Variants in GRK3 observed in about 807,000 individuals in gnomAD.
The protein encoded by GRK3 is G protein-coupled receptor kinase 3.
GRK3 carries 54 observed loss-of-function variants against 95.7 expected under a neutral mutation model. The ratio of observed to expected loss-of-function variants is 0.56; its 90% CI spans 0.45 to 0.71. The LOEUF is 0.71. Ranked by LOEUF, GRK3 falls within the 30% of genes least tolerant of loss-of-function variation. GRK3 has a pLI of 0.00. For synonymous variants in GRK3, 281 were observed against 290.8 expected, an observed-to-expected ratio of 0.97 and a Z score of 0.34; for missense variants, 649 against 851.2, an observed-to-expected ratio of 0.76 and a Z score of 2.96.
rs961440089 is a variant in GRK3, at chr22:25,648,309, T to C, written c.264+3644T>C. 2.0e-5 allele frequency: 21 copies of C among 1,045,600 alleles called. No homozygotes were observed. In the African/African-American group the frequency reaches 3.1e-4, roughly 16 times the overall value. The allele number at this position is 1,045,600 out of a possible 1,614,324, so 64.8% of individuals were successfully genotyped here. A position where few individuals can be genotyped will look rare whatever the true frequency, so the allele number is the denominator to read the frequency against. ...AGAACAACTTGATACTCTGCAGAAA[T>C]TGGCAAAACACTACACAGAACATGC... is the stretch of plus-strand genomic sequence containing the variant. On this transcript the variant is annotated intron_variant, in intron 3 of 20. Coordinates refer to ENST00000324198, the MANE Select transcript of GRK3 (RefSeq NM_005160.4).
At chr22:25,636,324 G>A (rs2084701469) in intron 2 of GRK3, among the ~76,000 whole-genome samples, 1 of 152,170 alleles carries the variant, frequency 6.6e-6, no homozygotes, top group South Asian at 2.1e-4. Context: ...GTATGTGTAC[G>A]TGTTCACATA....
chr22:25,690,247 C>A lies in GRK3; in HGVS notation c.1016C>A (p.Ala339Asp). 3 of 1,614,106 alleles carry A rather than the reference C, an allele frequency of 1.9e-6. No homozygotes were observed. The highest frequency in any genetic ancestry group is 2.5e-6 in the Non-Finnish European group (3 of 1,179,980). The change falls in exon 12 of 21, where the codon GCC becomes GAC. Residue 339 changes from alanine to aspartate, a missense_variant. Physicochemically the swap from Ala to Asp is moderately radical, Grantham distance 126 (BLOSUM62 -2). Around this residue, in one of 3 missense-constraint regions of GRK3, gnomAD observed 382 missense variants for 493.8 expected, o/e 0.77. Transcript: ENST00000324198. The part of the protein sequence containing the change: ...GHARISDLGL[A>D]CDFSKKKPHA... ...GCAAGAATATCAGATCTTGGTCTTG[C>A]CTGCGATTTTTCCAAAAAGAAGCCT...
intron 1 of GRK3, among the ~76,000 whole-genome samples, chr22:25,592,193 G>A (rs1447474755): frequency 2.0e-5 from 3 of 152,158 alleles, no homozygotes; most frequent in Admixed American, 2.0e-4. Context: ...GGTATGTAGT[G>A]GAATCTTCTT....
At chr22:25,706,780 C>A (rs371330065) in intron 15 of GRK3, among the ~76,000 whole-genome samples, 6 of 152,234 alleles carry the variant, frequency 3.9e-5, no homozygotes, top group African/African-American at 1.4e-4. Flanking sequence ...GCCTTGGCCT[C>A]CCAAAGTGCT....
chr22:25,667,611 A>G, intron 5 of GRK3, 128 bp from the exon 6 acceptor site: 1 of 627,434 alleles, frequency 1.6e-6, no homozygotes, highest in Non-Finnish European at 2.9e-6. Flanking sequence ...GGAGAAGGGC[A>G]GGTACCAGAC....
intron 1 of GRK3, among the ~76,000 whole-genome samples, chr22:25,597,491 A>G (rs1198459285): frequency 6.6e-6 from 1 of 152,210 alleles, no homozygotes; most frequent in Non-Finnish European, 1.5e-5. Context: ...GATAATGGGT[A>G]TGCTAATTAC....
At chr22:25,667,682 GT>G in intron 5 of GRK3, 56 bp from the exon 6 acceptor site, 1 of 1,306,878 alleles carries the variant, frequency 7.7e-7, no homozygotes, top group Non-Finnish European at 1.1e-6. Flanking sequence ...ATTGGTTTGT[GT>G]TTTTTTGATA....
chr22:25,702,497 A>T (rs750583696), intron 13 of GRK3, among the ~76,000 whole-genome samples: 2 of 152,206 alleles, frequency 1.3e-5, no homozygotes, highest in Non-Finnish European at 2.9e-5. Context: ...ACATCTTGTT[A>T]TAAGAAAAGT....
intron 2 of GRK3, among the ~76,000 whole-genome samples, chr22:25,606,084 C>G (rs2084444059): frequency 6.6e-6 from 1 of 152,172 alleles, no homozygotes; most frequent in South Asian, 2.1e-4. Flanking sequence ...TTAACTGACC[C>G]TGGCACCGGG....
intron 18 of GRK3, among the ~76,000 whole-genome samples, chr22:25,717,106 G>A (rs926945338): frequency 1.3e-5 from 2 of 152,182 alleles, no homozygotes; most frequent in African/African-American, 4.8e-5. Context: ...AACTATTTAT[G>A]TAGCATTTAC....
chr22:25,685,472 T>G (rs181388669), intron 10 of GRK3, among the ~76,000 whole-genome samples: 54 of 152,320 alleles, frequency 3.5e-4, no homozygotes, highest in Non-Finnish European at 7.1e-4. Flanking sequence ...CAAGAAAAGA[T>G]TCTAGAAAAG....
chr22:25,635,043 G>A (rs780780879), intron 2 of GRK3, among the ~76,000 whole-genome samples: 95 of 152,192 alleles, frequency 6.2e-4, no homozygotes, highest in Non-Finnish European at 7.6e-4. Flanking sequence ...TGCGGCCCGC[G>A]GGCTGCATGC....
chr22:25,672,012 T>A (rs557452593), intron 6 of GRK3, among the ~76,000 whole-genome samples: 3 of 152,214 alleles, frequency 2.0e-5, no homozygotes, highest in Non-Finnish European at 2.9e-5. Context: ...TAAAATTACA[T>A]TATATATGTG....
chr22:25,565,188 C>A lies in GRK3; in HGVS notation c.113+35C>A, dbSNP rs928075052. Reference sequence around the variant, plus strand: ...GCCCCGGCCGGCGCCGGCCCCAAGCCGCCGCCCCCTGCGGCCGCCAGCTAC... The same window carrying A: ...GCCCCGGCCGGCGCCGGCCCCAAGCAGCCGCCCCCTGCGGCCGCCAGCTAC... On this transcript the variant is annotated intron_variant, in intron 1 of 20. Transcript: ENST00000324198. The A allele has an allele frequency of 1.0e-4, 128 of 1,230,860 alleles. 1 individual carries two copies. The highest frequency in any genetic ancestry group is 1.4e-4 in the Non-Finnish European group (125 of 905,380). The allele number at this position is 1,230,860 out of a possible 1,614,324, so 76.2% of individuals were successfully genotyped here. A position where few individuals can be genotyped will look rare whatever the true frequency, so the allele number is the denominator to read the frequency against.
chr22:25,620,275 C>T (rs890433709), intron 2 of GRK3, among the ~76,000 whole-genome samples: 5 of 152,022 alleles, frequency 3.3e-5, no homozygotes, highest in South Asian at 2.1e-4. Flanking sequence ...TCACATAGCC[C>T]GCGAAAAAGC....
At chr22:25,674,963 G>T (rs1414955514) in intron 8 of GRK3, among the ~76,000 whole-genome samples, 1 of 151,776 alleles carries the variant, frequency 6.6e-6, no homozygotes, top group Non-Finnish European at 1.5e-5. Flanking sequence ...AAAAAAAGCT[G>T]TATTTTGTTA....
At chr22:25,641,200 C>CA (rs1378637913) in intron 2 of GRK3, among the ~76,000 whole-genome samples, 2 of 152,116 alleles carry the variant, frequency 1.3e-5, no homozygotes, top group African/African-American at 4.8e-5. Flanking sequence ...TGAACTAAGT[C>CA]CTTGGCTTAT....
At chr22:25,657,557 A>G (rs1195392369) in intron 3 of GRK3, among the ~76,000 whole-genome samples, 1 of 152,130 alleles carries the variant, frequency 6.6e-6, no homozygotes, top group Non-Finnish European at 1.5e-5. Flanking sequence ...GTTTTTATAT[A>G]TAAAGTGTGT....
intron 3 of GRK3, among the ~76,000 whole-genome samples, chr22:25,655,780 A>C (rs900633955): frequency 1.3e-5 from 2 of 152,206 alleles, no homozygotes; most frequent in African/African-American, 4.8e-5. Flanking sequence ...AGGCTGTCAT[A>C]GTATGAGGGC....
Sources: gnomAD v4.1 joint callset for allele counts (sites outside exome capture counted in the v4.1 genomes callset) on GRCh38, gnomAD v4.1.1 for gene constraint, gnomAD v4.1.1 regional missense constraint, MANE v1.5 for transcripts, NCBI Gene and HGNC (gene_info 2026-07-23, HGNC 2026-07-21) for gene names.